PKIA: variants seen among roughly 807,000 people sequenced by gnomAD.
The protein encoded by PKIA is PKI-alpha.
A neutral mutation model predicts 7.6 loss-of-function variants in PKIA; 4 were observed. The observed-to-expected ratio is 0.52, with a 90% CI of 0.26 to 1.20. PKIA has a LOEUF of 1.20. Among genes scored for constraint, PKIA ranks in the 50% most tolerant of loss-of-function variants. PKIA has a pLI of 0.13. For missense variants in PKIA, 73 were observed against 86.2 expected, an observed-to-expected ratio of 0.85 and a Z score of 0.61; for synonymous variants, 21 against 30.7, an observed-to-expected ratio of 0.68 and a Z score of 1.04.
chr8:78,584,797 A>C (rs1807910040), intron 2 of PKIA, among the ~76,000 whole-genome samples: 1 of 152,118 alleles, frequency 6.6e-6, no homozygotes, highest in South Asian at 2.1e-4. Context: ...ATAAATCTCG[A>C]GTAGTTAATA....
intron 1 of PKIA, among the ~76,000 whole-genome samples, chr8:78,555,085 T>A (rs1409324115): frequency 6.6e-6 from 1 of 151,986 alleles, no homozygotes; most frequent in Non-Finnish European, 1.5e-5. Context: ...TACAAGGCAC[T>A]TACAGGTTGC....
At chr8:78,579,177 A>G (rs912640399) in intron 2 of PKIA, among the ~76,000 whole-genome samples, 4 of 151,910 alleles carry the variant, frequency 2.6e-5, no homozygotes, top group African/African-American at 7.2e-5. Flanking sequence ...GCAAGCCATC[A>G]TTGCTTGCCT....
chr8:78,524,806 T>C (rs991400087), intron 1 of PKIA, among the ~76,000 whole-genome samples: 1 of 151,958 alleles, frequency 6.6e-6, no homozygotes, highest in Non-Finnish European at 1.5e-5. Flanking sequence ...AAATTGTTAT[T>C]TCATAAGTAA....
intron 1 of PKIA, among the ~76,000 whole-genome samples, chr8:78,569,750 A>G (rs1315476384): frequency 6.6e-6 from 1 of 152,180 alleles, no homozygotes; most frequent in East Asian, 1.9e-4. Flanking sequence ...AAAAGCAATT[A>G]TGTATTTCTT....
chr8:78,537,356 G>C (rs1806555050), intron 1 of PKIA, among the ~76,000 whole-genome samples: 1 of 151,860 alleles, frequency 6.6e-6, no homozygotes, highest in South Asian at 2.1e-4. Flanking sequence ...AAGCTTAACT[G>C]ACTAAATTTT....
intron 1 of PKIA, among the ~76,000 whole-genome samples, chr8:78,554,546 C>T (rs1476202503): frequency 6.6e-6 from 1 of 151,918 alleles, no homozygotes; most frequent in Non-Finnish European, 1.5e-5. Flanking sequence ...AGAGAATTCC[C>T]TGCAAATTGT....
Position 78,602,030 on chromosome 8 carries a change from T to G in PKIA, c.*209T>G, listed in dbSNP as rs1009173052. 5.3e-6 allele frequency: 3 copies of G among 562,530 alleles called. No individual in the cohort carries two copies. Among genetic ancestry groups the G allele is most frequent in the Non-Finnish European group, 9.5e-6 (3 of 316,932 alleles). The allele number at this position is 562,530 out of a possible 1,614,324, so 34.8% of individuals were successfully genotyped here. A position where few individuals can be genotyped will look rare whatever the true frequency, so the allele number is the denominator to read the frequency against. ...CCTCTGTCATTAGCAATGGTTGAAA[T>G]CATGTGGCTTGTGTTTGGGCGTCAT... On this transcript the variant is annotated 3_prime_UTR_variant, in exon 4 of 4. Coordinates refer to ENST00000396418, the MANE Select transcript of PKIA (RefSeq NM_006823.4).
chr8:78,592,916 A>T (rs1808136085), intron 2 of PKIA, among the ~76,000 whole-genome samples: 1 of 152,234 alleles, frequency 6.6e-6, no homozygotes, highest in Non-Finnish European at 1.5e-5. Context: ...TAATGGCAAA[A>T]AAACAGGGAC....
intron 1 of PKIA, among the ~76,000 whole-genome samples, chr8:78,549,555 A>G (rs1383601601): frequency 6.6e-5 from 10 of 151,930 alleles, no homozygotes; most frequent in Admixed American, 6.6e-4. Context: ...AAAACCATCA[A>G]TTATCTGAAA....
rs181415392 is a variant in PKIA, at chr8:78,529,440, A to G, written c.-157+12972A>G. ...TTCCTATAATGCTTTTATATCTACCACTTCACTTAAGTAAAAGAAAGTTTT... is the reference window on the plus strand; with the variant it reads ...TTCCTATAATGCTTTTATATCTACCGCTTCACTTAAGTAAAAGAAAGTTTT... On this transcript the variant is annotated intron_variant, in intron 1 of 3. Coordinates refer to ENST00000396418, the MANE Select transcript of PKIA (RefSeq NM_006823.4). Among the ~76,000 whole-genome samples, 22 of 152,120 alleles carry G rather than the reference A, an allele frequency of 1.4e-4. 1 individual carries two copies. Among genetic ancestry groups the G allele is most frequent in the Admixed American group, 1.4e-3 (21 of 15,260 alleles).
At chr8:78,592,943 A>C (rs1241955429) in intron 2 of PKIA, among the ~76,000 whole-genome samples, 1 of 152,228 alleles carries the variant, frequency 6.6e-6, no homozygotes, top group Non-Finnish European at 1.5e-5. Context: ...TGCAAAGTAC[A>C]ATGCCCTTTA....
At chr8:78,581,099 C>T (rs1292992454) in intron 2 of PKIA, among the ~76,000 whole-genome samples, 1 of 152,004 alleles carries the variant, frequency 6.6e-6, no homozygotes, top group African/African-American at 2.4e-5. Context: ...AGTGAAGGAA[C>T]CAGAGCTTTC....
intron 1 of PKIA, among the ~76,000 whole-genome samples, chr8:78,517,461 A>C (rs1033143270): frequency 1.3e-5 from 2 of 152,222 alleles, no homozygotes; most frequent in African/African-American, 4.8e-5. Flanking sequence ...ATTTTAGTCC[A>C]GTTGGATTTT....
At chr8:78,565,198 G>A (rs996643289) in intron 1 of PKIA, among the ~76,000 whole-genome samples, 1 of 140,464 alleles carries the variant, frequency 7.1e-6, no homozygotes, top group Admixed American at 6.9e-5. Flanking sequence ...AAAATTTCAA[G>A]ATTTTTTTTC....
At chr8:78,517,808 C>T (rs187075844) in intron 1 of PKIA, among the ~76,000 whole-genome samples, 4 of 152,098 alleles carry the variant, frequency 2.6e-5, no homozygotes, top group East Asian at 1.9e-4. Context: ...TGCAAACGTG[C>T]CACTTCACCA....
chr8:78,550,324 T>C (rs1323520777), intron 1 of PKIA, among the ~76,000 whole-genome samples: 1 of 152,132 alleles, frequency 6.6e-6, no homozygotes, highest in Non-Finnish European at 1.5e-5. Context: ...TCTTGATTAT[T>C]ACATTTCAAA....
At chr8:78,565,778 G>C (rs1807398004) in intron 1 of PKIA, among the ~76,000 whole-genome samples, 1 of 151,834 alleles carries the variant, frequency 6.6e-6, no homozygotes. Flanking sequence ...GGCATTGTTA[G>C]TAATGTTATC....
chr8:78,567,607 T>C (rs1178574861), intron 1 of PKIA, among the ~76,000 whole-genome samples: 1 of 152,136 alleles, frequency 6.6e-6, no homozygotes, highest in Non-Finnish European at 1.5e-5. Flanking sequence ...TTCTTCACTC[T>C]TTCTTTCTCT....
At chr8:78,560,724 G>A (rs1430442510) in intron 1 of PKIA, among the ~76,000 whole-genome samples, 2 of 152,156 alleles carry the variant, frequency 1.3e-5, no homozygotes, top group African/African-American at 4.8e-5. Flanking sequence ...CTTCATTCAT[G>A]TCAAGGAAGC....
Sources: allele counts gnomAD v4.1 joint callset (sites outside exome capture counted in the v4.1 genomes callset), GRCh38; gene constraint gnomAD v4.1.1; transcripts MANE v1.5; gene names NCBI Gene and HGNC (gene_info 2026-07-23, HGNC 2026-07-21).